The following ADAP1 variants were observed in gnomAD, a reference collection of about 807,000 sequenced individuals.
The protein encoded by ADAP1 is arf-GAP with dual PH domain-containing protein 1.
Under a neutral mutation model 54.9 loss-of-function variants are expected in ADAP1, and 31 were observed. The observed-to-expected ratio is 0.56, with a 90% CI of 0.42 to 0.76. The LOEUF (loss-of-function observed/expected upper bound fraction) is 0.76. Among genes scored for constraint, ADAP1 ranks in the 30% least tolerant of loss-of-function variants. The pLI, the probability that ADAP1 is intolerant of heterozygous loss-of-function variation, is 0.00. For synonymous variants in ADAP1, 313 were observed against 202.6 expected, an observed-to-expected ratio of 1.55 and a Z score of -4.63; for missense variants, 535 against 512.4, an observed-to-expected ratio of 1.04 and a Z score of -0.42.
In ADAP1 at chr7:904,105, C is replaced by T. The variant is rs373997978; in HGVS notation, c.648+21G>A. 2.9e-4 allele frequency: 468 copies of T among 1,610,984 alleles called. 1 individual carries two copies. The highest frequency in any genetic ancestry group is 2.0e-3 in the South Asian group (185 of 90,968). On this transcript the variant is annotated intron_variant, in intron 6 of 10. Transcript: ENST00000265846. ...CCCACCCTCCTGTGCCACCCGGGCC[C>T]GAGTGCTCGCCAGCACCCACCTTCC... is the stretch of plus-strand genomic sequence containing the variant.
chr7:902,304 C>A (rs560983572), intron 6 of ADAP1, among the ~76,000 whole-genome samples: 267 of 150,110 alleles, frequency 1.8e-3, no homozygotes, highest in Non-Finnish European at 3.3e-3. Flanking sequence ...ACTAAAAATA[C>A]AAAATTAGCT....
chr7:898,684 GTGTGGTCAGCAGCAGC>G lies in ADAP1; in HGVS notation c.*221_*236del, dbSNP rs1383702526. ...GGTCAGGGAGGGGCAGGTTGGCTGG[GTGTGGTCAGCAGCAGC>G]ATGACGGGGTTAGAGATCAGGCCCA... On this transcript the variant is annotated 3_prime_UTR_variant, in exon 11 of 11. Coordinates refer to ENST00000265846, the MANE Select transcript of ADAP1 (RefSeq NM_006869.4). The G allele has an allele frequency of 1.7e-6, 1 of 591,414 alleles. No individual in the cohort carries two copies. Among genetic ancestry groups the G allele is most frequent in the Non-Finnish European group, 3.0e-6 (1 of 334,728 alleles). The allele number at this position is 591,414 out of a possible 1,614,324, so 36.6% of individuals were successfully genotyped here. A position where few individuals can be genotyped will look rare whatever the true frequency, so the allele number is the denominator to read the frequency against.
At chr7:923,706 G>A (rs112238116) in intron 3 of ADAP1, among the ~76,000 whole-genome samples, 10 of 152,166 alleles carry the variant, frequency 6.6e-5, no homozygotes, top group African/African-American at 9.6e-5. Flanking sequence ...CCGGGAGGCC[G>A]CAGGGCATGG....
upstream of ADAP1, among the ~76,000 whole-genome samples, chr7:955,084 G>A (rs1366276179): frequency 1.3e-5 from 2 of 152,136 alleles, no homozygotes; most frequent in Non-Finnish European, 2.9e-5. Flanking sequence ...CTGCCTGGGA[G>A]GGACGGCCAG....
intron 4 of ADAP1, 42 bp downstream of exon 4, chr7:919,926 G>C (rs559765397): frequency 3.3e-6 from 5 of 1,531,680 alleles, no homozygotes; most frequent in Non-Finnish European, 3.5e-6. Flanking sequence ...GAGAGCCAGG[G>C]AGAGGTAGCC....
At chr7:905,482 GA>G (rs1269923998) in intron 4 of ADAP1, 10 of 101,340 alleles carry the variant, frequency 9.9e-5, no homozygotes, top group Non-Finnish European at 1.6e-4. Flanking sequence ...AAAGGGAAAG[GA>G]GAAAGGAGAA....
chr7:905,216 G>A (rs759064948), intron 4 of ADAP1, 44 bp from the exon 5 acceptor site: 14 of 1,515,268 alleles, frequency 9.2e-6, no homozygotes, highest in Admixed American at 1.7e-5. Flanking sequence ...TGGATGGGGG[G>A]GAGGAAACAA....
chr7:926,798 CCCAGGGACA>C lies in ADAP1; in HGVS notation c.214-163_214-155del, dbSNP rs1009052961. On this transcript the variant is annotated intron_variant, in intron 2 of 10. Transcript: ENST00000265846. The surrounding 1 kb of genome is among the most constrained non-coding windows in gnomAD (Gnocchi z 4.6). ...GGACGGGAACGCCACCTCCTCCTGC[CCCAGGGACA>C]CCATTTCTGAGTGATCGACCCTCCC... 14 of 727,488 alleles carry C rather than the reference CCCAGGGACA, an allele frequency of 1.9e-5. No homozygotes were observed. The African/African-American group carries it at 2.4e-4, about 13-fold the overall frequency. The allele number at this position is 727,488 out of a possible 1,614,324, so 45.1% of individuals were successfully genotyped here.
intron 1 of ADAP1, 133 bp from the exon 2 acceptor site, chr7:935,638 G>A (rs1665252497): frequency 1.7e-6 from 2 of 1,177,462 alleles, no homozygotes; most frequent in Non-Finnish European, 2.3e-6. Flanking sequence ...GGTACACCAG[G>A]CTCCGTGCGC....
rs1237885355 is a variant in ADAP1, at chr7:938,008, G to C, written c.83-2503C>G. Among the ~76,000 whole-genome samples, 1 of 152,224 alleles carries C rather than the reference G, an allele frequency of 6.6e-6. No homozygotes were observed. The highest frequency in any genetic ancestry group is 2.4e-5 in the African/African-American group (1 of 41,464). ...CAGCAGAGCCCCTGTCTTCGAGAGA[G>C]ACCACAGGCTTTCTCCTCACCCCTC... On this transcript the variant is annotated intron_variant, in intron 1 of 10. Transcript: ENST00000265846. This position sits in a 1 kb window ranked among gnomAD's most constrained non-coding sequence, Gnocchi z 4.4.
At position 899,091 on chromosome 7, in the gene ADAP1, C is replaced by T; in HGVS notation, c.1038G>A (p.Glu346=). The T allele has an allele frequency of 6.2e-7, 1 of 1,608,366 alleles. No homozygotes were observed. Among genetic ancestry groups the T allele is most frequent in the South Asian group, 1.1e-5 (1 of 91,088 alleles). Residue 346 remains glutamate, a synonymous_variant, in exon 10 of 11, where the codon GAG becomes GAA. Coordinates refer to ENST00000265846, the MANE Select transcript of ADAP1 (RefSeq NM_006869.4). The part of the protein sequence containing the change: ...FACETESDQR[E]WVAAFQKAVD... ...CCGCCTTCTGGAAGGCCGCCACCCACTCCCTCTGGTCGGACTCCGTCTCGC... is the reference window on the plus strand; with the variant it reads ...CCGCCTTCTGGAAGGCCGCCACCCATTCCCTCTGGTCGGACTCCGTCTCGC...
intron 6 of ADAP1, chr7:901,029 A>G: frequency 2.1e-6 from 1 of 474,458 alleles, no homozygotes; most frequent in Non-Finnish European, 4.4e-6. Flanking sequence ...AGCTCAAGCA[A>G]GTCTTGGGGT....
intron 6 of ADAP1, chr7:901,068 T>C (rs1488596794): frequency 2.1e-6 from 1 of 470,494 alleles, no homozygotes; most frequent in Non-Finnish European, 4.4e-6. Flanking sequence ...CATCTGTTTA[T>C]AAACGCCCTT....
intron 7 of ADAP1, 85 bp from the exon 8 acceptor site, chr7:900,249 T>TCACCCCGGGC: frequency 6.5e-7 from 1 of 1,530,924 alleles, no homozygotes; most frequent in Non-Finnish European, 9.0e-7. Context: ...TGTGCTCCCC[T>TCACCCCGGGC]CACCCCGGGC....
chr7:906,768 TGGGGGACA>T (rs1562915568), intron 4 of ADAP1, among the ~76,000 whole-genome samples: 1 of 24,704 alleles, frequency 4.0e-5, no homozygotes, highest in African/African-American at 1.2e-4. Flanking sequence ...ACAGGGGACA[TGGGGGACA>T]GGGGACACGG....
chr7:915,920 C>T (rs1227042656), intron 4 of ADAP1, among the ~76,000 whole-genome samples: 1 of 146,750 alleles, frequency 6.8e-6, no homozygotes, highest in African/African-American at 2.5e-5. Context: ...AACCCGCGCC[C>T]ACTTTCCACG....
intron 6 of ADAP1, among the ~76,000 whole-genome samples, chr7:902,475 A>AAT (rs1491159593): frequency 2.8e-5 from 4 of 142,258 alleles, no homozygotes; most frequent in African/African-American, 1.1e-4. Context: ...AAAAAAAGAA[A>AAT]GAAAAGAAAG....
At chr7:900,284 C>G in intron 7 of ADAP1, 120 bp from the exon 8 acceptor site, 1 of 1,253,272 alleles carries the variant, frequency 8.0e-7, no homozygotes. Context: ...CCAGGCCTGG[C>G]TTAGCCTCCG....
At chr7:905,371 G>GAGAAAGGAGAAAGGGAGAAAGA (rs376551972) in intron 4 of ADAP1, 199 bp from the exon 5 acceptor site, 1 of 60,090 alleles carries the variant, frequency 1.7e-5, no homozygotes. Flanking sequence ...AAAGGGAAAG[G>GAGAAAGGAGAAAGGGAGAAAGA]GAAAGGAGAA....
Sources: allele counts gnomAD v4.1 joint callset (sites outside exome capture counted in the v4.1 genomes callset), GRCh38; gene constraint gnomAD v4.1.1; non-coding constraint Gnocchi (gnomAD v3.1); transcripts MANE v1.5; gene names NCBI Gene and HGNC (gene_info 2026-07-23, HGNC 2026-07-21).